The following TRABD2B variants were observed in gnomAD, a reference collection of about 807,000 sequenced individuals.
The protein encoded by TRABD2B is TraB domain containing 2B.
TRABD2B carries 14 observed loss-of-function variants against 40.1 expected under a neutral mutation model. That is an observed-to-expected ratio of 0.35 (90% CI 0.23 to 0.55). The LOEUF is 0.55. Ranked by LOEUF, TRABD2B falls within the 20% of genes least tolerant of loss-of-function variation. The pLI, the probability that TRABD2B is intolerant of heterozygous loss-of-function variation, is 0.90. For missense variants in TRABD2B, 541 were observed against 648.6 expected (o/e 0.83, Z 1.80); for synonymous variants, 263 against 277.0 (o/e 0.95, Z 0.50).
At chr1:47,931,392 G>A (rs1380646371) in intron 2 of TRABD2B, among the ~76,000 whole-genome samples, 2 of 152,010 alleles carry the variant, frequency 1.3e-5, no homozygotes, top group African/African-American at 2.4e-5. Flanking sequence ...ATCTGGACAC[G>A]TGTGCTGAGA....
At chr1:47,823,919 C>T (rs1645142578) in intron 2 of TRABD2B, among the ~76,000 whole-genome samples, 1 of 152,180 alleles carries the variant, frequency 6.6e-6, no homozygotes, top group South Asian at 2.1e-4. Context: ...TCTTCTGGGG[C>T]CTGCCTGCAA....
At chr1:47,963,937 C>T (rs978436675) in intron 2 of TRABD2B, among the ~76,000 whole-genome samples, 9 of 152,192 alleles carry the variant, frequency 5.9e-5, no homozygotes, top group African/African-American at 2.2e-4. Flanking sequence ...GGGCCAGGCC[C>T]AAAGGCCAGA....
At chr1:47,917,380 C>T (rs1370518231) in intron 2 of TRABD2B, among the ~76,000 whole-genome samples, 1 of 152,098 alleles carries the variant, frequency 6.6e-6, no homozygotes, top group Admixed American at 6.5e-5. Context: ...GAGGCTATTA[C>T]CTCTGTCACT....
chr1:47,838,777 G>A (rs979817425), intron 2 of TRABD2B, among the ~76,000 whole-genome samples: 4 of 152,210 alleles, frequency 2.6e-5, no homozygotes, highest in African/African-American at 9.6e-5. Context: ...GGGACATACT[G>A]AGGGCCACAC....
rs1401183370 is a variant in TRABD2B at position 47,794,684 on chromosome 1, T to C, written c.890A>G (p.Gln297Arg). The C allele has an allele frequency of 6.5e-7, 1 of 1,536,332 alleles. No homozygotes were observed. Among genetic ancestry groups the C allele is most frequent in the African/African-American group, 1.4e-5 (1 of 72,988 alleles). ...CTCATTCCTCTTGTAGATGAGCTCC[T>C]GGCGGAAGTAGCTGTCAATCTCCTG... ...TAQEIDSYFR[Q>R]ELIYKRNERM... is the part of the protein sequence containing the mutation. Residue 297 changes from glutamine to arginine, a missense_variant, in exon 4 of 7, where the codon CAG (glutamine) becomes CGG (arginine). This residue lies in a region of TRABD2B where 369 missense variants were observed against 492.8 expected (regional missense o/e 0.75). Transcript: ENST00000606738.
chr1:47,776,107 A>C (rs778991591), intron 5 of TRABD2B, among the ~76,000 whole-genome samples: 1 of 152,110 alleles, frequency 6.6e-6, no homozygotes, highest in East Asian at 1.9e-4. Flanking sequence ...ACACCGGCAA[A>C]GCACCGAGAA....
At chr1:47,887,791 C>A (rs189990486) in intron 2 of TRABD2B, among the ~76,000 whole-genome samples, 1 of 152,176 alleles carries the variant, frequency 6.6e-6, no homozygotes, top group Non-Finnish European at 1.5e-5. Flanking sequence ...TCTCCCAGAA[C>A]CGCCTTTAGT....
intron 2 of TRABD2B, among the ~76,000 whole-genome samples, chr1:47,965,371 T>A (rs145655882): frequency 6.6e-6 from 1 of 150,990 alleles, no homozygotes; most frequent in African/African-American, 2.4e-5. Context: ...GACTTGAAAT[T>A]AAGCATCTCC....
At chr1:47,847,853 G>A (rs1645493444) in intron 2 of TRABD2B, among the ~76,000 whole-genome samples, 1 of 152,204 alleles carries the variant, frequency 6.6e-6, no homozygotes, top group South Asian at 2.1e-4. Context: ...CATATGGCAC[G>A]TTAGGGCTTT....
chr1:47,994,101 G>T lies in TRABD2B; in HGVS notation c.599C>A (p.Thr200Asn). 6.5e-7 allele frequency: 1 copy of T among 1,536,266 alleles called. No homozygotes were observed. Among genetic ancestry groups the T allele is most frequent in the Admixed American group, 2.0e-5 (1 of 51,004 alleles). ...LAQQAEKMKK[T>N]TGAVEQVEEQ... The stretch of plus-strand genomic sequence containing the variant: ...CTCCACCTGCTCCACAGCCCCTGTG[G>T]TCTTCTTCATCTTCTCAGCCTGCTG... Residue 200 changes from threonine to asparagine, a missense_variant, in exon 2 of 7, where the codon ACC (threonine) becomes AAC (asparagine). Physicochemically the swap from Thr to Asn is moderately conservative, Grantham distance 65. Transcript: ENST00000606738. This position sits in a 1 kb window ranked among gnomAD's most constrained non-coding sequence, Gnocchi z 6.7.
intron 2 of TRABD2B, among the ~76,000 whole-genome samples, chr1:47,989,540 G>A (rs1488243209): frequency 1.3e-5 from 2 of 152,122 alleles, no homozygotes; most frequent in African/African-American, 4.8e-5. Context: ...CTATATTGGG[G>A]GGTGTGTGTG....
intron 2 of TRABD2B, among the ~76,000 whole-genome samples, chr1:47,861,214 C>T (rs2124555478): frequency 6.6e-6 from 1 of 151,764 alleles, no homozygotes. Flanking sequence ...GATAATTTTG[C>T]TATTTCCCAT....
At chr1:47,973,825 C>T (rs1000543104) in intron 2 of TRABD2B, among the ~76,000 whole-genome samples, 8 of 152,156 alleles carry the variant, frequency 5.3e-5, no homozygotes, top group African/African-American at 1.7e-4. Flanking sequence ...TTAATTAGGC[C>T]GGGGCCGGTG....
rs1646103277 is a variant in TRABD2B, at chr1:47,997,009, C to A, written c.-220G>T. ...AAGAGGGAGACCCTCTAGGGCTGGG[C>A]CCCTCCCCCGGGCGCTCAACCTCGC... On this transcript the variant is annotated 5_prime_UTR_variant, in exon 1 of 7. Coordinates refer to ENST00000606738, the MANE Select transcript of TRABD2B (RefSeq NM_001194986.2). The A allele has an allele frequency of 1.9e-6, 2 of 1,077,774 alleles. No homozygotes were observed. The highest frequency in any genetic ancestry group is 4.5e-5 in the South Asian group (1 of 22,118). 66.8% of individuals were successfully genotyped at this position (1,077,774 alleles called of 1,614,324 possible).
chr1:47,839,442 A>G (rs1399247579), intron 2 of TRABD2B, among the ~76,000 whole-genome samples: 3 of 152,122 alleles, frequency 2.0e-5, no homozygotes, highest in Non-Finnish European at 4.4e-5. Context: ...AGCCTCTTCA[A>G]TGTCTCTGGA....
chr1:47,940,372 C>T (rs965273328), intron 2 of TRABD2B, among the ~76,000 whole-genome samples: 3 of 152,122 alleles, frequency 2.0e-5, no homozygotes, highest in Admixed American at 1.3e-4. Context: ...TCACTGTGTC[C>T]GACGATGGCG....
intron 2 of TRABD2B, among the ~76,000 whole-genome samples, chr1:47,978,903 G>A (rs991357178): frequency 2.6e-5 from 4 of 152,210 alleles, no homozygotes; most frequent in Non-Finnish European, 5.9e-5. Context: ...ACAGAAGCAC[G>A]AAGAAGGAGG....
intron 2 of TRABD2B, among the ~76,000 whole-genome samples, chr1:47,823,907 G>C (rs927634854): frequency 6.6e-6 from 1 of 152,146 alleles, no homozygotes; most frequent in Non-Finnish European, 1.5e-5. Flanking sequence ...CATCAACAGG[G>C]CTCTTCTGGG....
chr1:47,831,011 G>A (rs1314060849), intron 2 of TRABD2B, among the ~76,000 whole-genome samples: 1 of 152,208 alleles, frequency 6.6e-6, no homozygotes, highest in Admixed American at 6.5e-5. Context: ...GACCAGAGAG[G>A]CAGGGGGCCC....
Sources: allele counts gnomAD v4.1 joint callset (sites outside exome capture counted in the v4.1 genomes callset), GRCh38; gene constraint gnomAD v4.1.1; regional missense constraint gnomAD v4.1.1; non-coding constraint Gnocchi (gnomAD v3.1); transcripts MANE v1.5; gene names NCBI Gene and HGNC (gene_info 2026-07-23, HGNC 2026-07-21).